Variants in ANKFN1 observed in about 807,000 individuals in gnomAD.
ANKFN1 encodes the protein ankyrin repeat and fibronectin type-III domain-containing protein 1.
Under a neutral mutation model 108.7 loss-of-function variants are expected in ANKFN1, and 74 were observed. That is an observed-to-expected ratio of 0.68 (90% confidence interval 0.56 to 0.83). The LOEUF (loss-of-function observed/expected upper bound fraction) is 0.83, where lower values mean the gene tolerates loss of function less well. Ranked by LOEUF, ANKFN1 falls within the 40% of genes least tolerant of loss-of-function variation. The pLI is 0.00. For missense variants in ANKFN1, 1,505 were observed against 1,382.3 expected, an observed-to-expected ratio of 1.09 and a Z score of -1.41; for synonymous variants, 547 against 516.2, an observed-to-expected ratio of 1.06 and a Z score of -0.81.
chr17:56,248,600 C>T (rs2043167919), intron 3 of ANKFN1, among the ~76,000 whole-genome samples: 2 of 152,132 alleles, frequency 1.3e-5, no homozygotes, highest in African/African-American at 4.8e-5. Context: ...AGAGGTGAAT[C>T]GAGGCCATGC....
chr17:56,118,516 A>G (rs1415172149), intron 4 of ANKFN1, among the ~76,000 whole-genome samples: 1 of 152,162 alleles, frequency 6.6e-6, no homozygotes, highest in Non-Finnish European at 1.5e-5. Context: ...CCTTACTAAT[A>G]TTGCTGCTGC....
chr17:56,190,077 T>C (rs1912737255), intron 1 of ANKFN1, among the ~76,000 whole-genome samples: 1 of 150,534 alleles, frequency 6.6e-6, no homozygotes, highest in Non-Finnish European at 1.5e-5. Flanking sequence ...TCATTTTTTA[T>C]TGTGTCTATT....
intron 8 of ANKFN1, 115 bp downstream of exon 8, chr17:56,374,829 C>A: frequency 1.3e-6 from 1 of 797,350 alleles, no homozygotes; most frequent in Non-Finnish European, 2.0e-6. Flanking sequence ...TGTTTTTATC[C>A]CATTGACTTT....
chr17:56,272,513 CT>C (rs1041256847), intron 3 of ANKFN1, among the ~76,000 whole-genome samples: 3 of 152,102 alleles, frequency 2.0e-5, no homozygotes, highest in Non-Finnish European at 4.4e-5. Flanking sequence ...GATTTCCTTC[CT>C]TTTTAAGGCT....
At chr17:56,130,382 T>C (rs1164127805) in intron 4 of ANKFN1, among the ~76,000 whole-genome samples, 1 of 152,152 alleles carries the variant, frequency 6.6e-6, no homozygotes, top group Non-Finnish European at 1.5e-5. Context: ...CTTTTATAGT[T>C]ACAGCAAATA....
In ANKFN1 at chr17:56,227,863, T is replaced by A. The variant is rs541768368; in HGVS notation, c.13-54T>A. On this transcript the variant is annotated intron_variant, in intron 2 of 20. Coordinates refer to ENST00000682825, the MANE Select transcript of ANKFN1 (RefSeq NM_001370326.1). ...TTCAAACGTGACTCCTTTTTCATTT[T>A]GAATTGATTACTGTACAATTTTTTA... The A allele has an allele frequency of 3.4e-5, 49 of 1,462,200 alleles. No homozygotes were observed. The South Asian group carries it at 4.0e-4, about 12-fold the overall frequency. 90.6% of individuals were successfully genotyped at this position (1,462,200 alleles called of 1,614,324 possible). A position where few individuals can be genotyped will look rare whatever the true frequency, so the allele number is the denominator to read the frequency against.
chr17:56,214,596 C>T (rs1411199236), intron 2 of ANKFN1, among the ~76,000 whole-genome samples: 5 of 152,160 alleles, frequency 3.3e-5, no homozygotes, highest in South Asian at 2.1e-4. Context: ...GTGTCTCCCC[C>T]GTCATTCTTT....
intron 6 of ANKFN1, 102 bp downstream of exon 6, chr17:56,354,148 A>T: frequency 9.0e-7 from 1 of 1,110,160 alleles, no homozygotes; most frequent in East Asian, 2.6e-5. Flanking sequence ...ATGGTTGACT[A>T]AGCATAGACT....
intron 15 of ANKFN1, among the ~76,000 whole-genome samples, chr17:56,476,611 A>T (rs1432887638): frequency 1.3e-5 from 2 of 152,242 alleles, no homozygotes; most frequent in Non-Finnish European, 1.5e-5. Context: ...ATCAAATAAC[A>T]TGCAAAGCCA....
intron 3 of ANKFN1, among the ~76,000 whole-genome samples, chr17:56,310,191 G>T (rs1411679691): frequency 6.6e-6 from 1 of 152,172 alleles, no homozygotes; most frequent in Non-Finnish European, 1.5e-5. Context: ...CCAAAATGGT[G>T]TACAATTTAA....
At chr17:56,315,656 G>C (rs1236512667) in intron 3 of ANKFN1, among the ~76,000 whole-genome samples, 1 of 152,154 alleles carries the variant, frequency 6.6e-6, no homozygotes, top group Non-Finnish European at 1.5e-5. Context: ...TTGAGTATTT[G>C]GCATATGCAG....
intron 4 of ANKFN1, among the ~76,000 whole-genome samples, chr17:56,050,702 T>G (rs915826315): frequency 1.6e-4 from 24 of 152,158 alleles, no homozygotes; most frequent in Non-Finnish European, 2.9e-5. Flanking sequence ...CAGATAGTTG[T>G]AGATATGCGG....
At chr17:56,307,489 A>G (rs1161704700) in intron 3 of ANKFN1, among the ~76,000 whole-genome samples, 19 of 152,270 alleles carry the variant, frequency 1.2e-4, no homozygotes, top group Admixed American at 1.2e-3. Context: ...GCTCATCATC[A>G]CTGGCCATCA....
At chr17:56,380,045 T>C (rs2047051281) in intron 8 of ANKFN1, among the ~76,000 whole-genome samples, 1 of 152,238 alleles carries the variant, frequency 6.6e-6, no homozygotes, top group African/African-American at 2.4e-5. Context: ...AAAATCTTAT[T>C]TGTTGGATTT....
chr17:56,311,022 C>T (rs1015534308), intron 3 of ANKFN1, among the ~76,000 whole-genome samples: 5 of 152,164 alleles, frequency 3.3e-5, no homozygotes, highest in Non-Finnish European at 5.9e-5. Context: ...TGAAGTATTT[C>T]TCTTCTTGTG....
chr17:56,483,779 G>A (rs2050780251), intron 18 of ANKFN1, among the ~76,000 whole-genome samples: 2 of 152,210 alleles, frequency 1.3e-5, no homozygotes, highest in South Asian at 4.1e-4. Context: ...TTTTTAGTCT[G>A]TAATATAACA....
intron 1 of ANKFN1, among the ~76,000 whole-genome samples, chr17:56,169,058 A>G (rs1450385120): frequency 6.6e-6 from 1 of 152,168 alleles, no homozygotes; most frequent in East Asian, 1.9e-4. Flanking sequence ...GAGATGTAAC[A>G]GAAAGCGGGG....
intron 3 of ANKFN1, among the ~76,000 whole-genome samples, chr17:56,296,421 C>T (rs1351500052): frequency 6.6e-6 from 1 of 152,124 alleles, no homozygotes; most frequent in Admixed American, 6.6e-5. Flanking sequence ...AGGTGGCTCA[C>T]ACCTATAATT....
intron 15 of ANKFN1, among the ~76,000 whole-genome samples, chr17:56,467,802 G>GAA (rs780533881): frequency 0.011 from 345 of 31,220 alleles, 6 homozygotes; most frequent in African/African-American, 0.029. Flanking sequence ...AAGAAAGAAA[G>GAA]AAAGAAAGAA....
Sources: gnomAD v4.1 joint callset for allele counts (sites outside exome capture counted in the v4.1 genomes callset) on GRCh38, gnomAD v4.1.1 for gene constraint, MANE v1.5 for transcripts, NCBI Gene and HGNC (gene_info 2026-07-23, HGNC 2026-07-21) for gene names.